SNRNP40: variants seen among roughly 807,000 people sequenced by gnomAD.
The protein encoded by SNRNP40 is U5 small nuclear ribonucleoprotein 40 kDa protein.
SNRNP40 carries 21 observed loss-of-function variants against 45.8 expected under a neutral mutation model. The ratio of observed to expected loss-of-function variants is 0.46; its 90% CI spans 0.32 to 0.66. The LOEUF (loss-of-function observed/expected upper bound fraction) is 0.66. Ranked by LOEUF, SNRNP40 falls within the 30% of genes least tolerant of loss-of-function variation. The pLI is 0.03. For synonymous variants in SNRNP40, 142 were observed against 163.8 expected (o/e 0.87, Z 1.01); for missense variants, 344 against 439.1 (o/e 0.78, Z 1.94).
At chr1:31,275,285 G>C (rs1645966994) in intron 5 of SNRNP40, among the ~76,000 whole-genome samples, 1 of 152,266 alleles carries the variant, frequency 6.6e-6, no homozygotes, top group East Asian at 1.9e-4. Flanking sequence ...TGATTGAAAA[G>C]GAGCCTCTCC....
chr1:31,278,619 C>T (rs2148385795), intron 5 of SNRNP40, among the ~76,000 whole-genome samples: 1 of 152,262 alleles, frequency 6.6e-6, no homozygotes, highest in Non-Finnish European at 1.5e-5. Context: ...TCTAAGTTTC[C>T]ATGTTCTGAT....
At chr1:31,284,464 TAAAC>T (rs1038529261) in intron 4 of SNRNP40, among the ~76,000 whole-genome samples, 1 of 152,190 alleles carries the variant, frequency 6.6e-6, no homozygotes, top group South Asian at 2.1e-4. Context: ...CCCCATCTCT[TAAAC>T]AAACAAACCC....
chr1:31,268,564 G>A (rs1464082221), intron 7 of SNRNP40, among the ~76,000 whole-genome samples: 2 of 151,780 alleles, frequency 1.3e-5, no homozygotes, highest in Non-Finnish European at 2.9e-5. Flanking sequence ...CACCATGCCA[G>A]GTCTAAAAAA....
At chr1:31,266,837 T>C (rs761132300) in intron 8 of SNRNP40, among the ~76,000 whole-genome samples, 1 of 152,170 alleles carries the variant, frequency 6.6e-6, no homozygotes, top group Non-Finnish European at 1.5e-5. Context: ...ATAAACTAAT[T>C]GGTTAGAAAA....
intron 4 of SNRNP40, among the ~76,000 whole-genome samples, chr1:31,284,782 T>C (rs1003729890): frequency 9.2e-5 from 14 of 152,192 alleles, no homozygotes; most frequent in African/African-American, 3.4e-4. Context: ...TCTCATGGTT[T>C]AGGATGAAAA....
chr1:31,278,143 G>C (rs1235218659), intron 5 of SNRNP40, among the ~76,000 whole-genome samples: 2 of 151,974 alleles, frequency 1.3e-5, no homozygotes, highest in African/African-American at 4.8e-5. Context: ...TTTTTTTTGA[G>C]AATATAAGGA....
rs948627427 is a variant in SNRNP40 at position 31,281,513 on chromosome 1, G to C, written c.532-17C>G. 3 of 1,589,540 alleles carry C rather than the reference G, an allele frequency of 1.9e-6. No homozygotes were observed. Among genetic ancestry groups the C allele is most frequent in the Non-Finnish European group, 2.6e-6 (3 of 1,160,172 alleles). On this transcript the variant is annotated splice_polypyrimidine_tract_variant and intron_variant, in intron 4 of 9. Transcript: ENST00000263694. ...GTCCCAAAGCTGAAGCAAAGGACAAGACAGTCTATCAGCAACATCATTCTA... is the reference window on the plus strand; with the variant it reads ...GTCCCAAAGCTGAAGCAAAGGACAACACAGTCTATCAGCAACATCATTCTA...
intron 4 of SNRNP40, among the ~76,000 whole-genome samples, chr1:31,282,855 T>G (rs1292520103): frequency 1.3e-5 from 2 of 152,120 alleles, no homozygotes; most frequent in Admixed American, 1.3e-4. Flanking sequence ...TTTGTATTTT[T>G]AGTAGAGACA....
chr1:31,261,671 G>C (rs1356281328), intron 8 of SNRNP40, 39 bp from the exon 9 acceptor site: 1 of 1,352,852 alleles, frequency 7.4e-7, no homozygotes, highest in African/African-American at 1.4e-5. Context: ...AGTCCTCTTA[G>C]AGCTGGGGGT....
At chr1:31,281,196 T>C (rs1441386179) in intron 5 of SNRNP40, among the ~76,000 whole-genome samples, 178 bp downstream of exon 5, 1 of 152,202 alleles carries the variant, frequency 6.6e-6, no homozygotes, top group Admixed American at 6.5e-5. Context: ...AGATCTGCAA[T>C]GCAAACTTTA....
intron 5 of SNRNP40, among the ~76,000 whole-genome samples, chr1:31,278,785 T>A (rs769984500): frequency 1.3e-5 from 2 of 152,050 alleles, no homozygotes; most frequent in Admixed American, 1.3e-4. Context: ...GGTGGGAAAA[T>A]TGTCTTCGGC....
intron 4 of SNRNP40, among the ~76,000 whole-genome samples, chr1:31,287,014 G>A (rs57481992): frequency 0.093 from 14,176 of 152,148 alleles, 2,204 homozygotes; most frequent in African/African-American, 0.32. Context: ...GTTTGAAAAC[G>A]ATCTGTATGA....
intron 1 of SNRNP40, among the ~76,000 whole-genome samples, chr1:31,296,227 A>G (rs1378791525): frequency 2.0e-5 from 3 of 152,212 alleles, no homozygotes; most frequent in African/African-American, 7.2e-5. Context: ...TCCCAAAACG[A>G]GCCAACACAA....
chr1:31,289,724 T>C (rs1646088666), intron 3 of SNRNP40, among the ~76,000 whole-genome samples: 1 of 152,236 alleles, frequency 6.6e-6, no homozygotes, highest in Admixed American at 6.5e-5. Context: ...GCTAACATTT[T>C]AAACATAAGA....
chr1:31,264,924 C>T (rs561148552), intron 8 of SNRNP40, among the ~76,000 whole-genome samples: 106 of 152,248 alleles, frequency 7.0e-4, no homozygotes, highest in African/African-American at 2.5e-3. Flanking sequence ...CTCTTGATGG[C>T]TGCCAATTAG....
At chr1:31,271,736 C>T (rs1279938723) in intron 5 of SNRNP40, among the ~76,000 whole-genome samples, 1 of 152,052 alleles carries the variant, frequency 6.6e-6, no homozygotes, top group Non-Finnish European at 1.5e-5. Context: ...CTTGACTTCC[C>T]GGGCTCAGGT....
chr1:31,291,854 G>GTT, intron 3 of SNRNP40, 59 bp downstream of exon 3: 1 of 1,192,748 alleles, frequency 8.4e-7, no homozygotes, highest in Non-Finnish European at 1.2e-6. Context: ...AGGATGAAAG[G>GTT]TGAAAGGACG....
At chr1:31,282,873 G>T (rs988564571) in intron 4 of SNRNP40, among the ~76,000 whole-genome samples, 1 of 151,952 alleles carries the variant, frequency 6.6e-6, no homozygotes. Flanking sequence ...ACAGGGTTTC[G>T]CCACGTTGAC....
chr1:31,274,195 T>G lies in SNRNP40; in HGVS notation c.655-2696A>C, dbSNP rs181637411. On this transcript the variant is annotated intron_variant, in intron 5 of 9. Transcript: ENST00000263694. ...CAAAGAAGGGTTCAAAATAGAAAAA[T>G]GAGACATTCAGTTGTATATTCTGGA... Among the ~76,000 whole-genome samples, 71 of 152,068 alleles carry G rather than the reference T, an allele frequency of 4.7e-4. 1 individual carries two copies. The East Asian group carries it at 0.013, about 27-fold the overall frequency.
Sources: gnomAD v4.1 joint callset for allele counts (sites outside exome capture counted in the v4.1 genomes callset) on GRCh38, gnomAD v4.1.1 for gene constraint, MANE v1.5 for transcripts, NCBI Gene and HGNC (gene_info 2026-07-23, HGNC 2026-07-21) for gene names.